THBS1: variants seen among roughly 807,000 people sequenced by gnomAD.
THBS1 encodes the protein thrombospondin 1.
In THBS1, 29 loss-of-function variants were observed where a neutral mutation model predicts 126.1. That is an observed-to-expected ratio of 0.23 (90% CI 0.17 to 0.31). THBS1 has a LOEUF of 0.31. Ranked by LOEUF, THBS1 falls within the 10% of genes least tolerant of loss-of-function variation. The pLI is 1.00. For missense variants in THBS1, 1,198 were observed against 1,545.2 expected (o/e 0.78, Z 3.77); for synonymous variants, 496 against 577.8 (o/e 0.86, Z 2.03).
intron 9 of THBS1, 139 bp from the exon 10 acceptor site, chr15:39,588,387 A>C (rs946784292): frequency 7.6e-7 from 1 of 1,321,844 alleles, no homozygotes; most frequent in African/African-American, 1.5e-5. Flanking sequence ...TTAATGAAAA[A>C]CAAACTCACC....
At chr15:39,581,981 C>G in intron 2 of THBS1, 57 bp downstream of exon 2, 1 of 1,572,428 alleles carries the variant, frequency 6.4e-7, no homozygotes, top group Non-Finnish European at 8.7e-7. Flanking sequence ...TGCTGGCTAT[C>G]CCAGGTGTGC....
At chr15:39,591,444 C>T (rs1890326948) in intron 15 of THBS1, 61 bp from the exon 16 acceptor site, 7 of 1,609,494 alleles carry the variant, frequency 4.3e-6, no homozygotes, top group Non-Finnish European at 5.9e-6. Context: ...TTAGTATGCA[C>T]TTTGGTGGAA....
At chr15:39,585,954 T>C (rs527569079) in intron 7 of THBS1, among the ~76,000 whole-genome samples, 37 of 152,344 alleles carry the variant, frequency 2.4e-4, no homozygotes, top group Middle Eastern at 3.4e-3. Context: ...TGTGTAAGCA[T>C]TGGCCTGATC....
intron 16 of THBS1, among the ~76,000 whole-genome samples, chr15:39,591,968 AAG>A (rs1555385278): frequency 1.3e-5 from 2 of 152,264 alleles, no homozygotes; most frequent in Non-Finnish European, 2.9e-5. Flanking sequence ...ATGTAATACT[AAG>A]AGATGGAAAA....
At position 39,584,318 on chromosome 15, in the gene THBS1, T is replaced by G; in HGVS notation, c.922T>G (p.Leu308Val). Reference protein sequence around the residue: ...IRKVTEENKELANELRRPPLC... With the variant: ...IRKVTEENKEVANELRRPPLC... ...CATTTAGACTGAAGAGAACAAAGAGTTGGCCAATGAGCTGAGGCGGCCTCC... is the reference window on the plus strand; with the variant it reads ...CATTTAGACTGAAGAGAACAAAGAGGTGGCCAATGAGCTGAGGCGGCCTCC... Residue 308 changes from leucine to valine, a missense_variant, in exon 6 of 22, where the codon TTG becomes GTG. Physicochemically the swap from Leu to Val is conservative, Grantham distance 32. Around this residue, in one of 4 missense-constraint regions of THBS1, gnomAD observed 663 missense variants for 860.1 expected, o/e 0.77. Coordinates refer to ENST00000260356, the MANE Select transcript of THBS1 (RefSeq NM_003246.4). 1 of 1,614,056 alleles carries G rather than the reference T, an allele frequency of 6.2e-7. No homozygotes were observed. The highest frequency in any genetic ancestry group is 8.5e-7 in the Non-Finnish European group (1 of 1,179,982).
intron 9 of THBS1, 132 bp from the exon 10 acceptor site, chr15:39,588,394 C>A: frequency 7.6e-7 from 1 of 1,320,850 alleles, no homozygotes; most frequent in Non-Finnish European, 1.0e-6. Flanking sequence ...AAAACAAACT[C>A]ACCCTCTTCC....
intron 16 of THBS1, 149 bp downstream of exon 16, chr15:39,591,772 A>C (rs1890332976): frequency 1.3e-6 from 1 of 747,572 alleles, no homozygotes; most frequent in African/African-American, 1.7e-5. Context: ...CGTTCATGTA[A>C]ATAATTTGCC....
chr15:39,595,260 A>C (rs1890412214), intron 21 of THBS1, 102 bp from the exon 22 acceptor site: 1 of 737,860 alleles, frequency 1.4e-6, no homozygotes, highest in African/African-American at 1.8e-5. Context: ...GTCATTAGAA[A>C]AGTAGAGCTA....
Position 39,588,621 on chromosome 15 carries a change from A to C in THBS1, c.1567A>C (p.Thr523Pro), listed in dbSNP as rs2292305. ...ACGTAGTCGTCTCTGCAACAACCCC[A>C]CACCCCAGTTTGGAGGCAAGGACTG... ...QKRSRLCNNP[T>P]PQFGGKDCVG... Residue 523 changes from threonine to proline, a missense_variant, in exon 10 of 22, where the codon ACA becomes CCA. Thr to Pro is a conservative substitution (Grantham distance 38). Around this residue, in one of 4 missense-constraint regions of THBS1, gnomAD observed 663 missense variants for 860.1 expected, o/e 0.77. Coordinates refer to ENST00000260356, the MANE Select transcript of THBS1 (RefSeq NM_003246.4). 3.7e-6 allele frequency: 6 copies of C among 1,611,002 alleles called. No homozygotes were observed. Among genetic ancestry groups the C allele is most frequent in the South Asian group, 1.1e-5 (1 of 90,404 alleles).
In THBS1 at chr15:39,589,089, G is replaced by A. The variant is rs1292322776; in HGVS notation, c.1773+3G>A. 1 of 1,613,784 alleles carries A rather than the reference G, an allele frequency of 6.2e-7. No individual in the cohort carries two copies. Among genetic ancestry groups the A allele is most frequent in the Admixed American group, 1.7e-5 (1 of 60,014 alleles). On this transcript the variant is annotated splice_donor_region_variant and intron_variant, in intron 11 of 21. Coordinates refer to ENST00000260356, the MANE Select transcript of THBS1 (RefSeq NM_003246.4). The surrounding 1 kb of genome is among the most constrained non-coding windows in gnomAD (Gnocchi z 4.7). ...TCCAGTGCACAGATGTTGATGAGGTGAGGAACTGATGGGGCTCCGAGTTTC... is the reference window on the plus strand; with the variant it reads ...TCCAGTGCACAGATGTTGATGAGGTAAGGAACTGATGGGGCTCCGAGTTTC...
rs779171575 is a variant in THBS1 at position 39,592,905 on chromosome 15, C to T, written c.2768-95C>T. The T allele has an allele frequency of 7.0e-5, 108 of 1,537,364 alleles. No individual in the cohort carries two copies. The highest frequency in any genetic ancestry group is 9.1e-5 in the Non-Finnish European group (102 of 1,122,360). ...AAAGCATTTGACAGGATGAAGGGAC[C>T]AAATGCCAACTTAGACAAGATAGTG... On this transcript the variant is annotated intron_variant, in intron 17 of 21. Coordinates refer to ENST00000260356, the MANE Select transcript of THBS1 (RefSeq NM_003246.4). The surrounding 1 kb of genome is among the most constrained non-coding windows in gnomAD (Gnocchi z 4.3).
At chr15:39,583,577 GCT>G in intron 3 of THBS1, 38 bp from the exon 4 acceptor site, 3 of 647,684 alleles carry the variant, frequency 4.6e-6, no homozygotes, top group Non-Finnish European at 8.4e-6. Context: ...TCCCCACCCC[GCT>G]CTGCATTCTA....
chr15:39,582,181 CCTGT>C lies in THBS1; in HGVS notation c.68-9_68-6del, dbSNP rs1443058279. ...CTAGAAAGCTCACTTTGTGTTCTCT[CCTGT>C]CTAACAGAGTCTGGCGGAGACAACA... On this transcript the variant is annotated splice_region_variant and splice_polypyrimidine_tract_variant and intron_variant, in intron 2 of 21. Transcript: ENST00000260356. 4 of 1,582,006 alleles carry C rather than the reference CCTGT, an allele frequency of 2.5e-6. No homozygotes were observed. Among genetic ancestry groups the C allele is most frequent in the Non-Finnish European group, 3.4e-6 (4 of 1,163,570 alleles).
intron 7 of THBS1, among the ~76,000 whole-genome samples, chr15:39,586,302 G>A (rs757502709): frequency 6.6e-6 from 1 of 152,124 alleles, no homozygotes; most frequent in South Asian, 2.1e-4. Context: ...TCATATTAGC[G>A]ATATTGGCAC....
Position 39,595,606 on chromosome 15 carries a change from G to C in THBS1, c.*237G>C. On this transcript the variant is annotated 3_prime_UTR_variant, in exon 22 of 22. Coordinates refer to ENST00000260356, the MANE Select transcript of THBS1 (RefSeq NM_003246.4). ...ACATCTTCCAAGCATATAAACAATT[G>C]CTTTGGTTTCCTTTTGAAAAAGCAT... 1 of 639,254 alleles carries C rather than the reference G, an allele frequency of 1.6e-6. No homozygotes were observed. Among genetic ancestry groups the C allele is most frequent in the Non-Finnish European group, 2.9e-6 (1 of 349,880 alleles). The allele number at this position is 639,254 out of a possible 1,614,324, so 39.6% of individuals were successfully genotyped here. A position where few individuals can be genotyped will look rare whatever the true frequency, so the allele number is the denominator to read the frequency against.
rs746624357 is a variant in THBS1 at position 39,589,342 on chromosome 15, G to A, written c.1914G>A (p.Thr638=). ...TCGGCCAGGGTGTCGAACATGCCAC[G>A]GCCAACAAACAGGTACAGTCAACTA... is the stretch of plus-strand genomic sequence containing the variant. The part of the protein sequence containing the change: ...QPFGQGVEHA[T]ANKQVCKPRN... The change falls in exon 12 of 22, where the codon ACG becomes ACA. Residue 638 remains threonine, a synonymous_variant. Transcript: ENST00000260356. The surrounding 1 kb of genome is among the most constrained non-coding windows in gnomAD (Gnocchi z 4.7). 15 of 1,613,802 alleles carry A rather than the reference G, an allele frequency of 9.3e-6. No individual in the cohort carries two copies. The highest frequency in any genetic ancestry group is 1.7e-5 in the Admixed American group (1 of 59,984).
Position 39,597,887 on chromosome 15 carries a change from C to T in THBS1, c.*2518C>T, listed in dbSNP as rs747880243. ...CGAATGATGCCTTGGGTGGGCAACA[C>T]GATTGCATGTTGTGGAGACACTTCG... is the stretch of plus-strand genomic sequence containing the variant. On this transcript the variant is annotated 3_prime_UTR_variant, in exon 22 of 22. Coordinates refer to ENST00000260356, the MANE Select transcript of THBS1 (RefSeq NM_003246.4). 1.3e-5 allele frequency: 2 copies of T among 152,110 alleles called. No individual in the cohort carries two copies. The highest frequency in any genetic ancestry group is 2.9e-5 in the Non-Finnish European group (2 of 68,034). The allele number at this position is 152,110 out of a possible 1,614,324, so 9.4% of individuals were successfully genotyped here.
In THBS1 at chr15:39,584,615, G is replaced by T. The variant is rs144754820; in HGVS notation, c.1026+193G>T. ...TTAAACTCTCAGATGGTTTATCAAA[G>T]TATTAATTATACCCCAGGCTAAGTA... On this transcript the variant is annotated intron_variant, in intron 6 of 21. Coordinates refer to ENST00000260356, the MANE Select transcript of THBS1 (RefSeq NM_003246.4). Among the ~76,000 whole-genome samples, 8 of 152,060 alleles carry T rather than the reference G, an allele frequency of 5.3e-5. No individual in the cohort carries two copies. In the East Asian group the frequency reaches 1.5e-3, roughly 29 times the overall value.
At chr15:39,583,484 G>A in intron 3 of THBS1, 133 bp from the exon 4 acceptor site, 1 of 630,590 alleles carries the variant, frequency 1.6e-6, no homozygotes, top group African/African-American at 1.8e-5. Context: ...TTTTGACATA[G>A]TGATCTTAAG....
Sources: gnomAD v4.1 joint callset for allele counts (sites outside exome capture counted in the v4.1 genomes callset) on GRCh38, gnomAD v4.1.1 for gene constraint, gnomAD v4.1.1 regional missense constraint, Gnocchi (gnomAD v3.1) non-coding constraint, MANE v1.5 for transcripts, NCBI Gene and HGNC (gene_info 2026-07-23, HGNC 2026-07-21) for gene names.